The following BBS9 variants were observed in gnomAD, a reference collection of about 807,000 sequenced individuals.
BBS9 encodes the protein protein PTHB1.
A neutral mutation model predicts 117.7 loss-of-function variants in BBS9; 89 were observed. The ratio of observed to expected loss-of-function variants is 0.76; its 90% CI spans 0.64 to 0.90. The LOEUF (loss-of-function observed/expected upper bound fraction) is 0.90. Among genes scored for constraint, BBS9 ranks in the 40% least tolerant of loss-of-function variants. The probability of loss-of-function intolerance (pLI) is 0.00; values close to 1 mark genes in which losing one functional copy is unlikely to be tolerated. For missense variants in BBS9, 982 were observed against 1,042.2 expected, an observed-to-expected ratio of 0.94 and a Z score of 0.80; for synonymous variants, 379 against 370.9, an observed-to-expected ratio of 1.02 and a Z score of -0.25.
chr7:33,153,525 A>T (rs1206586935), intron 3 of BBS9, among the ~76,000 whole-genome samples: 1 of 152,208 alleles, frequency 6.6e-6, no homozygotes, highest in Non-Finnish European at 1.5e-5. Context: ...AAGTAGCCAG[A>T]GTCAGTTTGC....
intron 5 of BBS9, among the ~76,000 whole-genome samples, chr7:33,246,770 G>C (rs544345003): frequency 3.1e-4 from 47 of 152,188 alleles, no homozygotes; most frequent in African/African-American, 1.1e-3. Context: ...ATATTGGGGT[G>C]GGGGAAGGGA....
intron 9 of BBS9, among the ~76,000 whole-genome samples, chr7:33,306,361 A>C (rs1282694598): frequency 1.3e-5 from 2 of 152,022 alleles, no homozygotes; most frequent in African/African-American, 4.8e-5. Context: ...ATGCTACTGA[A>C]GGTTTTTTCC....
At chr7:33,540,878 T>C (rs1852183631) in intron 21 of BBS9, among the ~76,000 whole-genome samples, 1 of 152,206 alleles carries the variant, frequency 6.6e-6, no homozygotes, top group Non-Finnish European at 1.5e-5. Flanking sequence ...ATTCAAGTTA[T>C]TGATCTCTGA....
At chr7:33,420,207 G>A (rs1832651020) in intron 19 of BBS9, among the ~76,000 whole-genome samples, 1 of 152,142 alleles carries the variant, frequency 6.6e-6, no homozygotes. Flanking sequence ...GATTATTGAA[G>A]TGCTCTGAAC....
At chr7:33,291,497 A>G (rs917391495) in intron 9 of BBS9, among the ~76,000 whole-genome samples, 2 of 152,132 alleles carry the variant, frequency 1.3e-5, no homozygotes, top group Non-Finnish European at 2.9e-5. Flanking sequence ...ATTCATGCCT[A>G]TTTTGAATAA....
chr7:33,565,805 A>ATATATACCGCTATATATACTGC, intron 21 of BBS9, among the ~76,000 whole-genome samples: 1 of 55,598 alleles, frequency 1.8e-5, no homozygotes, highest in African/African-American at 1.4e-4. Context: ...ATATATATAT[A>ATATATACCGCTATATATACTGC]TATATATATA....
At chr7:33,632,475 G>T (rs1183176499) in intron 21 of BBS9, among the ~76,000 whole-genome samples, 1 of 152,184 alleles carries the variant, frequency 6.6e-6, no homozygotes, top group African/African-American at 2.4e-5. Flanking sequence ...CTCCAGCCGC[G>T]CTCCACCGGC....
intron 19 of BBS9, among the ~76,000 whole-genome samples, chr7:33,411,149 A>G (rs113203684): frequency 1.3e-5 from 2 of 151,626 alleles, no homozygotes; most frequent in African/African-American, 2.4e-5. Flanking sequence ...ATAAGCTTGG[A>G]TATTTGTCTA....
chr7:33,366,281 T>G (rs139186622), intron 16 of BBS9, among the ~76,000 whole-genome samples: 1 of 152,312 alleles, frequency 6.6e-6, no homozygotes, highest in East Asian at 1.9e-4. Context: ...ACCAATAGGC[T>G]GTTGCCTTTA....
At chr7:33,524,304 G>A (rs1849122980) in intron 20 of BBS9, among the ~76,000 whole-genome samples, 1 of 152,008 alleles carries the variant, frequency 6.6e-6, no homozygotes, top group African/African-American at 2.4e-5. Context: ...CTGTTGATTG[G>A]AATAGTTTCA....
chr7:33,233,687 A>G (rs1486951065), intron 5 of BBS9, among the ~76,000 whole-genome samples: 2 of 152,186 alleles, frequency 1.3e-5, no homozygotes, highest in South Asian at 4.1e-4. Flanking sequence ...AGGAAAAATC[A>G]AACAACTGCT....
At chr7:33,145,630 C>T (rs1445250553) in intron 1 of BBS9, among the ~76,000 whole-genome samples, 2 of 152,190 alleles carry the variant, frequency 1.3e-5, no homozygotes, top group Non-Finnish European at 2.9e-5. Flanking sequence ...TCTCATTTGT[C>T]TCAGCAACTC....
At chr7:33,206,632 T>C (rs1786981504) in intron 5 of BBS9, among the ~76,000 whole-genome samples, 1 of 152,178 alleles carries the variant, frequency 6.6e-6, no homozygotes. Context: ...AGAAAGTATG[T>C]ATTTCTCAAG....
chr7:33,517,754 C>G (rs1405617111), intron 20 of BBS9, among the ~76,000 whole-genome samples: 1 of 152,060 alleles, frequency 6.6e-6, no homozygotes. Context: ...AGATTTGAAC[C>G]CACACTAAGG....
intron 19 of BBS9, among the ~76,000 whole-genome samples, chr7:33,503,544 C>CCTTT (rs60461180): frequency 0.8 from 121,176 of 151,704 alleles, 48,935 homozygotes; most frequent in African/African-American, 0.91. Flanking sequence ...GACTGATTTT[C>CCTTT]CTATTACAAA....
At chr7:33,216,173 C>G (rs1179793812) in intron 5 of BBS9, among the ~76,000 whole-genome samples, 1 of 152,194 alleles carries the variant, frequency 6.6e-6, no homozygotes, top group African/African-American at 2.4e-5. Flanking sequence ...GTTAAATATA[C>G]AATGTCATAA....
At chr7:33,598,270 G>A (rs1482271512) in intron 21 of BBS9, among the ~76,000 whole-genome samples, 1 of 151,724 alleles carries the variant, frequency 6.6e-6, no homozygotes, top group Non-Finnish European at 1.5e-5. Context: ...TTTCCCCAGT[G>A]TAATCATAAG....
At chr7:33,484,315 A>G (rs1842828132) in intron 19 of BBS9, among the ~76,000 whole-genome samples, 1 of 152,226 alleles carries the variant, frequency 6.6e-6, no homozygotes, top group Non-Finnish European at 1.5e-5. Flanking sequence ...TATATTATGT[A>G]TACAGCATAT....
chr7:33,590,426 C>G (rs1305357832), intron 21 of BBS9, among the ~76,000 whole-genome samples: 1 of 121,696 alleles, frequency 8.2e-6, no homozygotes. Flanking sequence ...GCTGTTATTT[C>G]TTACTGGCCA....
Sources: allele counts gnomAD v4.1 joint callset (sites outside exome capture counted in the v4.1 genomes callset), GRCh38; gene constraint gnomAD v4.1.1; transcripts MANE v1.5; gene names NCBI Gene and HGNC (gene_info 2026-07-23, HGNC 2026-07-21).